SPECC1: variants seen among roughly 807,000 people sequenced by gnomAD.
SPECC1 encodes cytospin-B.
In SPECC1, 62 loss-of-function variants were observed where a neutral mutation model predicts 104.1. That is an observed-to-expected ratio of 0.60 (90% confidence interval 0.49 to 0.74). The LOEUF (loss-of-function observed/expected upper bound fraction) is 0.74. Among genes scored for constraint, SPECC1 ranks in the 30% least tolerant of loss-of-function variants. The pLI is 0.00. For missense variants in SPECC1, 1,306 were observed against 1,310.5 expected (o/e 1.00, Z 0.05); for synonymous variants, 513 against 501.6 (o/e 1.02, Z -0.30).
chr17:20,092,176 A>G (rs928593124), intron 1 of SPECC1, among the ~76,000 whole-genome samples: 6 of 151,932 alleles, frequency 3.9e-5, no homozygotes, highest in Non-Finnish European at 7.4e-5. Flanking sequence ...ATGTTTGACA[A>G]ATTTAAAGAA....
chr17:20,282,714 A>G (rs572523159), intron 12 of SPECC1, among the ~76,000 whole-genome samples: 2 of 152,186 alleles, frequency 1.3e-5, no homozygotes, highest in Non-Finnish European at 2.9e-5. Flanking sequence ...GCAAAGACAC[A>G]GTGGAAACAG....
chr17:20,017,243 C>T (rs550270329), intron 1 of SPECC1: 16 of 152,468 alleles, frequency 1.0e-4, no homozygotes, highest in Admixed American at 6.5e-4. Flanking sequence ...TCTGCACTGT[C>T]TATATGAGCT....
rs1210105923 is a variant in SPECC1 at position 20,230,215 on chromosome 17, A to G, written c.2072-1543A>G. Among the ~76,000 whole-genome samples, 3 of 152,306 alleles carry G rather than the reference A, an allele frequency of 2.0e-5. No individual in the cohort carries two copies. In the East Asian group the frequency reaches 5.8e-4, roughly 29 times the overall value. On this transcript the variant is annotated intron_variant, in intron 5 of 14. Transcript: ENST00000395527. Reference sequence around the variant, plus strand: ...AACCTAACCTGTATTTTTCCTAGAGACAATAGTTCGGTGTTTGCTGATTTG... The same window carrying G: ...AACCTAACCTGTATTTTTCCTAGAGGCAATAGTTCGGTGTTTGCTGATTTG...
At chr17:20,060,640 G>T (rs1415466859) in intron 1 of SPECC1, among the ~76,000 whole-genome samples, 1 of 152,092 alleles carries the variant, frequency 6.6e-6, no homozygotes, top group Non-Finnish European at 1.5e-5. Flanking sequence ...TAACTGCCTG[G>T]GTGGTACATC....
At chr17:20,246,864 A>G (rs1229784889) in intron 8 of SPECC1, among the ~76,000 whole-genome samples, 1 of 152,210 alleles carries the variant, frequency 6.6e-6, no homozygotes, top group African/African-American at 2.4e-5. Flanking sequence ...GATTAAGACT[A>G]GACTCTACAT....
In SPECC1 at chr17:20,294,872, A is replaced by G. The variant is rs187641556; in HGVS notation, c.2941-2089A>G. Among the ~76,000 whole-genome samples, 45 of 152,288 alleles carry G rather than the reference A, an allele frequency of 3.0e-4. 1 individual carries two copies. The highest frequency in any genetic ancestry group is 2.9e-3 in the Admixed American group (44 of 15,294). ...AATCCTCTACTGTTTTGAGCACTGAAGGCTTTTCCTCAATACTATTCTGTG... is the reference window on the plus strand; with the variant it reads ...AATCCTCTACTGTTTTGAGCACTGAGGGCTTTTCCTCAATACTATTCTGTG... On this transcript the variant is annotated intron_variant, in intron 12 of 14. Coordinates refer to ENST00000395527, the MANE Select transcript of SPECC1 (RefSeq NM_001243439.2).
rs1431470499 is a variant in SPECC1 at position 20,231,849 on chromosome 17, G to A, written c.2145+18G>A. 3.7e-6 allele frequency: 6 copies of A among 1,612,322 alleles called. No individual in the cohort carries two copies. Among genetic ancestry groups the A allele is most frequent in the Admixed American group, 1.7e-5 (1 of 60,020 alleles). On this transcript the variant is annotated intron_variant, in intron 6 of 14. Coordinates refer to ENST00000395527, the MANE Select transcript of SPECC1 (RefSeq NM_001243439.2). ...AGATGAAGGTGAGATGCGGGTGGGA[G>A]CCTTCACCACCATCTTCCTATGAAT...
At chr17:20,166,120 T>C (rs2033628975) in intron 3 of SPECC1, among the ~76,000 whole-genome samples, 1 of 152,134 alleles carries the variant, frequency 6.6e-6, no homozygotes, top group Non-Finnish European at 1.5e-5. Flanking sequence ...CACCACAGAG[T>C]GTCTTAAATG....
intron 1 of SPECC1, among the ~76,000 whole-genome samples, chr17:20,093,918 A>G (rs1667936808): frequency 6.6e-6 from 1 of 151,532 alleles, no homozygotes. Context: ...TTTTAGTGAG[A>G]CAGGGTCTCA....
At chr17:20,281,421 G>C (rs554300607) in intron 12 of SPECC1, among the ~76,000 whole-genome samples, 1 of 152,266 alleles carries the variant, frequency 6.6e-6, no homozygotes, top group African/African-American at 2.4e-5. Flanking sequence ...AGGCTGTCCT[G>C]CCTGCCTGCA....
At position 20,204,976 on chromosome 17, in the gene SPECC1, A is replaced by G; in HGVS notation, c.927A>G (p.Leu309=). The change falls in exon 4 of 15, where the codon TTA becomes TTG. Residue 309 remains leucine (L), a synonymous_variant. Coordinates refer to ENST00000395527, the MANE Select transcript of SPECC1 (RefSeq NM_001243439.2). The stretch of plus-strand genomic sequence containing the variant: ...AAAAAAACATACATGGAAATGCATT[A>G]CGGACATCAGGCTCCTCAAGTAGCG... ...EYKKNIHGNA[L]RTSGSSSSDV... is the part of the protein sequence containing the mutation. The G allele has an allele frequency of 6.2e-7, 1 of 1,614,216 alleles. No individual in the cohort carries two copies. The highest frequency in any genetic ancestry group is 1.3e-5 in the African/African-American group (1 of 75,060).
At chr17:20,183,807 T>C (rs1464853684) in intron 3 of SPECC1, among the ~76,000 whole-genome samples, 1 of 152,056 alleles carries the variant, frequency 6.6e-6, no homozygotes, top group Admixed American at 6.5e-5. Flanking sequence ...CTGTGGTTGG[T>C]AGAATTCTGG....
chr17:20,287,179 A>C (rs900419108), intron 12 of SPECC1, among the ~76,000 whole-genome samples: 1 of 152,292 alleles, frequency 6.6e-6, no homozygotes, highest in Middle Eastern at 3.4e-3. Flanking sequence ...GCACTTTGGG[A>C]GGCCGAGGCG....
intron 1 of SPECC1, among the ~76,000 whole-genome samples, chr17:20,059,241 C>T (rs4925074): frequency 0.22 from 34,152 of 151,864 alleles, 4,690 homozygotes; most frequent in Middle Eastern, 0.35. Flanking sequence ...AGGTTGTTTT[C>T]CTGCAACTAG....
intron 7 of SPECC1, among the ~76,000 whole-genome samples, chr17:20,232,875 C>T (rs2038684526): frequency 6.6e-6 from 1 of 152,170 alleles, no homozygotes; most frequent in South Asian, 2.1e-4. Flanking sequence ...CACCCATGAG[C>T]TACGTCAAAA....
At chr17:20,186,043 G>A (rs1023771253) in intron 3 of SPECC1, among the ~76,000 whole-genome samples, 1 of 152,052 alleles carries the variant, frequency 6.6e-6, no homozygotes, top group Non-Finnish European at 1.5e-5. Flanking sequence ...TCACCATGTT[G>A]GTCAGGCTGG....
At chr17:20,245,101 G>A (rs1165853587) in intron 7 of SPECC1, among the ~76,000 whole-genome samples, 1 of 152,216 alleles carries the variant, frequency 6.6e-6, no homozygotes, top group Non-Finnish European at 1.5e-5. Flanking sequence ...TTAGAAGTCA[G>A]AGTGTCTGAA....
intron 8 of SPECC1, among the ~76,000 whole-genome samples, chr17:20,246,669 C>T (rs2039434713): frequency 6.6e-6 from 1 of 152,190 alleles, no homozygotes; most frequent in African/African-American, 2.4e-5. Context: ...CGTAGCTATA[C>T]TTCATACATA....
chr17:20,157,912 C>T (rs1191781947), intron 3 of SPECC1, among the ~76,000 whole-genome samples: 1 of 152,166 alleles, frequency 6.6e-6, no homozygotes, highest in African/African-American at 2.4e-5. Flanking sequence ...ACCTCTCCTC[C>T]GTCAGCCTCC....
Sources: gnomAD v4.1 joint callset for allele counts (sites outside exome capture counted in the v4.1 genomes callset) on GRCh38, gnomAD v4.1.1 for gene constraint, MANE v1.5 for transcripts, NCBI Gene and HGNC (gene_info 2026-07-23, HGNC 2026-07-21) for gene names.